Variants in ZC3HAV1 observed in about 807,000 individuals in gnomAD.
ZC3HAV1 encodes the protein zinc finger CCCH-type antiviral protein 1.
ZC3HAV1 carries 41 observed loss-of-function variants against 86.6 expected under a neutral mutation model. That is an observed-to-expected ratio of 0.47 (90% confidence interval 0.37 to 0.61). The LOEUF is 0.61. Among genes scored for constraint, ZC3HAV1 ranks in the 20% least tolerant of loss-of-function variants. The probability of loss-of-function intolerance (pLI) is 0.00; values close to 1 mark genes in which losing one functional copy is unlikely to be tolerated. For synonymous variants in ZC3HAV1, 421 were observed against 432.1 expected (o/e 0.97, Z 0.32); for missense variants, 964 against 1,141.1 (o/e 0.84, Z 2.24).
chr7:139,064,805 T>C (rs1293529605), intron 8 of ZC3HAV1, 74 bp downstream of exon 8: 16 of 1,610,246 alleles, frequency 9.9e-6, no homozygotes, highest in African/African-American at 1.3e-5. Context: ...GCATACCCAC[T>C]CTGCTCCCAC....
intron 5 of ZC3HAV1, among the ~76,000 whole-genome samples, chr7:139,077,900 C>T (rs180715798): frequency 6.6e-6 from 1 of 152,332 alleles, no homozygotes; most frequent in East Asian, 1.9e-4. Flanking sequence ...TACACAACCA[C>T]TCATTATAGT....
rs79826827 is a variant in ZC3HAV1 at position 139,085,488 on chromosome 7, C to T, written c.445-1456G>A. ...TAGTTTTTTAGGGCTGAGTGTGTGG[C>T]TTCCCACTGGTTACCTCCAGTATTT... is the stretch of plus-strand genomic sequence containing the variant. On this transcript the variant is annotated intron_variant, in intron 2 of 12. Coordinates refer to ENST00000242351, the MANE Select transcript of ZC3HAV1 (RefSeq NM_020119.4). 3.3e-3 allele frequency among the ~76,000 whole-genome samples: 499 copies of T among 152,332 alleles called. 1 individual carries two copies. Among genetic ancestry groups the T allele is most frequent in the African/African-American group, 0.011 (476 of 41,578 alleles).
chr7:139,106,839 T>C (rs1269438420), intron 1 of ZC3HAV1, among the ~76,000 whole-genome samples: 1 of 124,688 alleles, frequency 8.0e-6, no homozygotes, highest in African/African-American at 2.5e-5. Flanking sequence ...AAATGGTTGC[T>C]GAGATTTGCT....
chr7:139,058,733 GA>G (rs916681318), intron 9 of ZC3HAV1, among the ~76,000 whole-genome samples: 2 of 152,142 alleles, frequency 1.3e-5, no homozygotes, highest in African/African-American at 4.8e-5. Flanking sequence ...TATTCCTGGA[GA>G]GGGGAAGAGC....
At chr7:139,077,678 C>T (rs1045203407) in intron 5 of ZC3HAV1, among the ~76,000 whole-genome samples, 6 of 152,102 alleles carry the variant, frequency 3.9e-5, no homozygotes, top group Non-Finnish European at 8.8e-5. Flanking sequence ...GCAGGAATGC[C>T]GGCTGAAGAA....
chr7:139,083,233 C>T (rs1409520189), intron 3 of ZC3HAV1, among the ~76,000 whole-genome samples: 1 of 126,942 alleles, frequency 7.9e-6, no homozygotes, highest in Non-Finnish European at 1.6e-5. Flanking sequence ...ATGATATACA[C>T]TTTTTTAAAC....
Position 139,047,348 on chromosome 7 carries a change from AAAAT to A in ZC3HAV1, c.*242_*245del. ...AGTCTCAAAAAAAAAAAAAAAAAAA[AAAAT>A]ACAACTGCCTGGCGCTGACGCCCAG... On this transcript the variant is annotated 3_prime_UTR_variant, in exon 13 of 13. Transcript: ENST00000242351. 1 of 360,066 alleles carries A rather than the reference AAAAT, an allele frequency of 2.8e-6. No individual in the cohort carries two copies. Among genetic ancestry groups the A allele is most frequent in the Non-Finnish European group, 4.9e-6 (1 of 205,814 alleles). 22.3% of individuals were successfully genotyped at this position (360,066 alleles called of 1,614,324 possible).
intron 2 of ZC3HAV1, among the ~76,000 whole-genome samples, chr7:139,087,035 G>A (rs751779805): frequency 6.6e-6 from 1 of 152,182 alleles, no homozygotes; most frequent in Non-Finnish European, 1.5e-5. Context: ...TGTGTGGCCC[G>A]ATGTTAAAAG....
At chr7:139,097,425 TA>T (rs1471485355) in intron 1 of ZC3HAV1, among the ~76,000 whole-genome samples, 1,006 of 82,504 alleles carry the variant, frequency 0.012, 10 homozygotes, top group Non-Finnish European at 0.015. Flanking sequence ...TATATATATA[TA>T]TATTTTTTTT....
At chr7:139,075,730 A>G (rs936873995) in intron 6 of ZC3HAV1, among the ~76,000 whole-genome samples, 8 of 147,558 alleles carry the variant, frequency 5.4e-5, no homozygotes, top group Non-Finnish European at 9.2e-5. Context: ...ATGAGCAACC[A>G]CGCTCGGCCA....
intron 7 of ZC3HAV1, among the ~76,000 whole-genome samples, chr7:139,071,920 C>G (rs1428800454): frequency 6.6e-6 from 1 of 152,238 alleles, no homozygotes; most frequent in Non-Finnish European, 1.5e-5. Flanking sequence ...GACCTCACCA[C>G]AGCACACAGG....
rs556000950 is a variant in ZC3HAV1, at chr7:139,056,186, T to C, written c.2097-891A>G. ...TCTGTTTTGAGACAGAGTTTCACTCTGTCACCCAGGCTGAAGTACAGTGGT... is the reference window on the plus strand; with the variant it reads ...TCTGTTTTGAGACAGAGTTTCACTCCGTCACCCAGGCTGAAGTACAGTGGT... On this transcript the variant is annotated intron_variant, in intron 9 of 12. Coordinates refer to ENST00000242351, the MANE Select transcript of ZC3HAV1 (RefSeq NM_020119.4). 5.6e-4 allele frequency among the ~76,000 whole-genome samples: 85 copies of C among 152,330 alleles called. 1 individual carries two copies. Among genetic ancestry groups the C allele is most frequent in the Admixed American group, 5.9e-4 (9 of 15,306 alleles).
In ZC3HAV1 at chr7:139,089,747, T is replaced by C; in HGVS notation, c.321A>G (p.Lys107=). The change falls in exon 2 of 13, where the codon AAA becomes AAG. Residue 107 remains lysine, a synonymous_variant. Coordinates refer to ENST00000242351, the MANE Select transcript of ZC3HAV1 (RefSeq NM_020119.4). ...NYSQSERNLC[K]YSHEVLSEEN... ...CTTCTGAGAGAACCTCATGAGAATA[T>C]TTGCATAAATTCCTGGAAGAAAACA... The C allele has an allele frequency of 6.2e-7, 1 of 1,608,020 alleles. No individual in the cohort carries two copies. Among genetic ancestry groups the C allele is most frequent in the South Asian group, 1.1e-5 (1 of 89,570 alleles).
Position 139,047,252 on chromosome 7 carries a change from CCGG to C in ZC3HAV1, c.*339_*341del, listed in dbSNP as rs1815981288. Reference sequence around the variant, plus strand: ...GCTGAGGCAGGAGAATTGCTTGAACCCGGGAGGCAGAGGTTGCAGTGAGCCGAG... The same window carrying C: ...GCTGAGGCAGGAGAATTGCTTGAACCGAGGCAGAGGTTGCAGTGAGCCGAG... On this transcript the variant is annotated 3_prime_UTR_variant, in exon 13 of 13. Coordinates refer to ENST00000242351, the MANE Select transcript of ZC3HAV1 (RefSeq NM_020119.4). 5 of 260,010 alleles carry C rather than the reference CCGG, an allele frequency of 1.9e-5. No individual in the cohort carries two copies. The highest frequency in any genetic ancestry group is 1.2e-4 in the Admixed American group (2 of 16,714). The allele number at this position is 260,010 out of a possible 1,614,324, so 16.1% of individuals were successfully genotyped here.
chr7:139,093,527 T>A (rs1489262474), intron 1 of ZC3HAV1, among the ~76,000 whole-genome samples: 2 of 152,218 alleles, frequency 1.3e-5, no homozygotes, highest in Non-Finnish European at 1.5e-5. Flanking sequence ...GAAAATGGCC[T>A]GTTTCTGCCT....
intron 1 of ZC3HAV1, among the ~76,000 whole-genome samples, chr7:139,098,016 C>T (rs1817657079): frequency 6.6e-6 from 1 of 151,996 alleles, no homozygotes; most frequent in Admixed American, 6.6e-5. Flanking sequence ...GCAATCTCGA[C>T]TTACTGCAAC....
intron 7 of ZC3HAV1, 97 bp downstream of exon 7, chr7:139,073,758 TG>T: frequency 7.8e-7 from 1 of 1,284,980 alleles, no homozygotes; most frequent in Non-Finnish European, 1.0e-6. Context: ...CCCAAAGTGC[TG>T]GGCTTACAGG....
chr7:139,097,435 T>TTTTTTTTTTATTTTTTTTTA (rs1817637142), intron 1 of ZC3HAV1, among the ~76,000 whole-genome samples: 1 of 121,042 alleles, frequency 8.3e-6, no homozygotes, highest in African/African-American at 3.5e-5. Flanking sequence ...TATATTTTTT[T>TTTTTTTTTTATTTTTTTTTA]TTTTTTTTTT....
In ZC3HAV1 at chr7:139,047,688, G is replaced by C. The variant is rs141924548; in HGVS notation, c.2615C>G (p.Ser872Trp). 1 of 1,614,040 alleles carries C rather than the reference G, an allele frequency of 6.2e-7. No homozygotes were observed. The highest frequency in any genetic ancestry group is 1.7e-5 in the Admixed American group (1 of 59,984). ...AAAGATGACAAAAACGGAGGGATTC[G>C]ATCTGGTATCCACACAGCTGTCGAA... is the stretch of plus-strand genomic sequence containing the variant. ...PQFDSCVDTRSNPSVFVIFQK... is the reference protein window; with the variant it reads ...PQFDSCVDTRWNPSVFVIFQK... The change falls in exon 13 of 13, where the codon TCG becomes TGG. Residue 872 changes from serine to tryptophan, a missense_variant. Coordinates refer to ENST00000242351, the MANE Select transcript of ZC3HAV1 (RefSeq NM_020119.4).
Sources: gnomAD v4.1 joint callset for allele counts (sites outside exome capture counted in the v4.1 genomes callset) on GRCh38, gnomAD v4.1.1 for gene constraint, MANE v1.5 for transcripts, NCBI Gene and HGNC (gene_info 2026-07-23, HGNC 2026-07-21) for gene names.